Variants in COL4A5 observed in about 807,000 individuals in gnomAD.
The protein encoded by COL4A5 is collagen alpha-5(IV) chain.
In COL4A5, 26 loss-of-function variants were observed where a neutral mutation model predicts 130.2. The observed-to-expected ratio is 0.20, with a 90% confidence interval of 0.15 to 0.28. The LOEUF is 0.28. Ranked by LOEUF, COL4A5 falls within the 10% of genes least tolerant of loss-of-function variation. The pLI, the probability that COL4A5 is intolerant of heterozygous loss-of-function variation, is 1.00. For synonymous variants in COL4A5, 496 were observed against 439.6 expected (o/e 1.13, Z -1.60); for missense variants, 1,131 against 1,344.3 (o/e 0.84, Z 2.48).
At chrX:108,521,425 G>A (rs1347618653) in intron 1 of COL4A5, among the ~76,000 whole-genome samples, 1 of 110,704 alleles carries the variant, frequency 9.0e-6, no homozygotes, top group East Asian at 2.8e-4. Flanking sequence ...GGCCAGGTTT[G>A]TCTACCTTCT....
At chrX:108,647,599 A>C (rs745516799) in intron 36 of COL4A5, among the ~76,000 whole-genome samples, 96 of 111,259 alleles carry the variant, frequency 8.6e-4, no homozygotes, top group Non-Finnish European at 1.5e-3. Context: ...ATTGCCCTGG[A>C]CAGAACTTCC....
intron 28 of COL4A5, among the ~76,000 whole-genome samples, chrX:108,605,374 G>A (rs2066713260): frequency 9.0e-6 from 1 of 111,564 alleles, no homozygotes; most frequent in Admixed American, 9.6e-5. Flanking sequence ...GAGATGCGGG[G>A]AAAATGGCTG....
intron 9 of COL4A5, among the ~76,000 whole-genome samples, chrX:108,573,917 C>G (rs1453956208): frequency 2.7e-5 from 3 of 110,867 alleles, no homozygotes; most frequent in African/African-American, 9.8e-5. Flanking sequence ...TATTCTTGTA[C>G]TGTGGAGAGC....
At chrX:108,647,880 C>T (rs1327294880) in intron 36 of COL4A5, among the ~76,000 whole-genome samples, 11 of 111,608 alleles carry the variant, frequency 9.9e-5, no homozygotes, top group Non-Finnish European at 5.6e-5. Flanking sequence ...TGCTGGATTA[C>T]GTTTATTGAT....
At chrX:108,685,088 T>C (rs774218386) in intron 47 of COL4A5, among the ~76,000 whole-genome samples, 82 of 112,217 alleles carry the variant, frequency 7.3e-4, no homozygotes, top group African/African-American at 2.5e-3. Context: ...AAAGTAGGTA[T>C]TGATGGAACA....
chrX:108,635,936 C>T (rs930041972), intron 36 of COL4A5, among the ~76,000 whole-genome samples: 1 of 112,056 alleles, frequency 8.9e-6, no homozygotes, highest in Non-Finnish European at 1.9e-5. Context: ...TGGGTATACA[C>T]AGATGCAAAG....
intron 31 of COL4A5, among the ~76,000 whole-genome samples, chrX:108,621,042 CTCTT>C (rs1277924410): frequency 1.8e-5 from 2 of 109,678 alleles, no homozygotes; most frequent in African/African-American, 6.6e-5. Flanking sequence ...CCCTTTCTTT[CTCTT>C]TCTTTCTCTT....
intron 2 of COL4A5, among the ~76,000 whole-genome samples, chrX:108,544,907 A>G (rs2065620245): frequency 8.9e-6 from 1 of 111,940 alleles, no homozygotes; most frequent in African/African-American, 3.2e-5. Context: ...AGAGGTGTTT[A>G]CAATATTTTC....
At chrX:108,691,458 A>G (rs1393934656) in intron 49 of COL4A5, among the ~76,000 whole-genome samples, 2 of 111,087 alleles carry the variant, frequency 1.8e-5, no homozygotes, top group African/African-American at 6.5e-5. Flanking sequence ...CTTCTAAGAA[A>G]TACGTTTCTA....
At chrX:108,608,730 T>C (rs1490698159) in intron 29 of COL4A5, among the ~76,000 whole-genome samples, 1 of 111,912 alleles carries the variant, frequency 8.9e-6, no homozygotes, top group African/African-American at 3.2e-5. Flanking sequence ...GACAAATGCA[T>C]ACACTTGTAT....
intron 43 of COL4A5, among the ~76,000 whole-genome samples, 173 bp from the exon 44 acceptor site, chrX:108,677,327 G>T (rs937778231): frequency 4.5e-5 from 5 of 112,013 alleles, no homozygotes; most frequent in African/African-American, 1.6e-4. Flanking sequence ...ATAACAAAAA[G>T]AATCCAGTTC....
At chrX:108,633,563 T>C (rs2147888959) in intron 36 of COL4A5, among the ~76,000 whole-genome samples, 1 of 111,592 alleles carries the variant, frequency 9.0e-6, no homozygotes, top group Admixed American at 9.6e-5. Flanking sequence ...ATTTTAACAT[T>C]TTACTAATGG....
intron 2 of COL4A5, among the ~76,000 whole-genome samples, chrX:108,548,945 T>C (rs1162761538): frequency 9.0e-6 from 1 of 111,471 alleles, no homozygotes; most frequent in East Asian, 2.8e-4. Context: ...GAATTATTCA[T>C]GAAGAGGCTT....
At chrX:108,668,241 T>A (rs892853257) in intron 40 of COL4A5, 78 bp from the exon 41 acceptor site, 8 of 956,445 alleles carry the variant, frequency 8.4e-6, no homozygotes, top group African/African-American at 1.9e-5. Context: ...ATTGCCCTAA[T>A]GTATGTGAAT....
intron 1 of COL4A5, among the ~76,000 whole-genome samples, chrX:108,481,744 T>A (rs1214319654): frequency 9.0e-6 from 1 of 111,506 alleles, no homozygotes; most frequent in South Asian, 3.8e-4. Context: ...TGTAGTTGAG[T>A]GACTGCAGTT....
chrX:108,490,599 A>G (rs2064984816), intron 1 of COL4A5, among the ~76,000 whole-genome samples: 1 of 112,054 alleles, frequency 8.9e-6, no homozygotes, highest in Non-Finnish European at 1.9e-5. Flanking sequence ...TGTACTTTGC[A>G]TAATTGTATG....
intron 36 of COL4A5, among the ~76,000 whole-genome samples, chrX:108,629,410 A>G (rs2067211455): frequency 9.0e-6 from 1 of 111,545 alleles, no homozygotes; most frequent in African/African-American, 3.3e-5. Context: ...TAAATAATGC[A>G]GGCTAATGAT....
chrX:108,470,637 T>C (rs1298858082), intron 1 of COL4A5, among the ~76,000 whole-genome samples: 2 of 111,915 alleles, frequency 1.8e-5, no homozygotes, highest in African/African-American at 3.2e-5. Context: ...GTGCAGAAGC[T>C]CTTTAGTTTA....
intron 20 of COL4A5, 112 bp downstream of exon 20, chrX:108,591,343 A>G: frequency 1.3e-6 from 1 of 772,800 alleles, no homozygotes; most frequent in East Asian, 3.3e-5. Flanking sequence ...TATCTAAGAA[A>G]TTCTACCACT....
Sources: allele counts gnomAD v4.1 joint callset (sites outside exome capture counted in the v4.1 genomes callset), GRCh38; gene constraint gnomAD v4.1.1; transcripts MANE v1.5; gene names NCBI Gene and HGNC (gene_info 2026-07-23, HGNC 2026-07-21).